PDE12: variants seen among roughly 807,000 people sequenced by gnomAD.
The protein encoded by PDE12 is phosphodiesterase 12, also known as 2',5'-phosphodiesterase 12.
PDE12 carries 26 observed loss-of-function variants against 45.4 expected under a neutral mutation model. The ratio of observed to expected loss-of-function variants is 0.57; its 90% CI spans 0.42 to 0.79. The LOEUF (loss-of-function observed/expected upper bound fraction) is 0.79, where lower values mean the gene tolerates loss of function less well. Among genes scored for constraint, PDE12 ranks in the 30% least tolerant of loss-of-function variants. PDE12 has a pLI of 0.00. For synonymous variants in PDE12, 283 were observed against 323.9 expected (o/e 0.87, Z 1.36); for missense variants, 668 against 790.0 (o/e 0.85, Z 1.85).
the PDE12 span, chr3:57,597,476 GC>G: frequency 4.8e-6 from 1 of 207,312 alleles, no homozygotes. Context: ...ATCCCCCTGC[GC>G]TTCCGGTGCG....
chr3:57,562,897 A>G lies in PDE12; in HGVS notation c.*2893A>G, dbSNP rs2069741574. 1 of 152,208 alleles carries G rather than the reference A, an allele frequency of 6.6e-6. No homozygotes were observed. Among genetic ancestry groups the G allele is most frequent in the Non-Finnish European group, 1.5e-5 (1 of 68,040 alleles). The allele number at this position is 152,208 out of a possible 1,614,324, so 9.4% of individuals were successfully genotyped here. On this transcript the variant is annotated 3_prime_UTR_variant, in exon 3 of 3. Transcript: ENST00000311180. ...CTGAGTAGTGATTTTTCTGAGTACT[A>G]AGCTATGATCTCATCAGAATGTGCT... is the stretch of plus-strand genomic sequence containing the variant.
chr3:57,635,021 T>A, the PDE12 span, among the ~76,000 whole-genome samples: 1 of 152,232 alleles, frequency 6.6e-6, no homozygotes, highest in African/African-American at 2.4e-5. Flanking sequence ...TTCATTAATA[T>A]CTATCATTAC....
the PDE12 span, chr3:57,631,002 A>G: frequency 1.2e-6 from 2 of 1,604,816 alleles, no homozygotes; most frequent in East Asian, 4.5e-5. Context: ...AAAAGTTAAT[A>G]AAAGGAGTGT....
At chr3:57,568,675 C>G (rs1401666227), downstream of PDE12, among the ~76,000 whole-genome samples, 1 of 151,402 alleles carries the variant, frequency 6.6e-6, no homozygotes, top group Admixed American at 6.6e-5. Flanking sequence ...CCCGCCTCAG[C>G]CTCCCAAAGT....
chr3:57,619,861 A>T, the PDE12 span, among the ~76,000 whole-genome samples: 3 of 151,848 alleles, frequency 2.0e-5, no homozygotes, highest in African/African-American at 7.2e-5. Flanking sequence ...AAAAATAAAT[A>T]AATAAATCAA....
At chr3:57,577,066 A>C in the PDE12 span, among the ~76,000 whole-genome samples, 3 of 151,812 alleles carry the variant, frequency 2.0e-5, no homozygotes, top group African/African-American at 4.9e-5. Context: ...AAAAAAAAAA[A>C]AACAACACTG....
chr3:57,577,470 A>C, the PDE12 span: 2 of 1,007,290 alleles, frequency 2.0e-6, no homozygotes, highest in Non-Finnish European at 3.1e-6. Flanking sequence ...AATGGTACCA[A>C]TGGTTAGACA....
rs2069726241 is a variant in PDE12 at position 57,561,371 on chromosome 3, T to C, written c.*1367T>C. The C allele has an allele frequency of 4.1e-6, 4 of 984,264 alleles. No homozygotes were observed. In the Admixed American group the frequency reaches 1.8e-4, roughly 45 times the overall value. The allele number at this position is 984,264 out of a possible 1,614,324, so 61.0% of individuals were successfully genotyped here. A position where few individuals can be genotyped will look rare whatever the true frequency, so the allele number is the denominator to read the frequency against. ...AAGCATCTCTGAAATAAAAAACTTC[T>C]TTTTACAGACAAGCATTATAGTTTG... On this transcript the variant is annotated 3_prime_UTR_variant, in exon 3 of 3. Transcript: ENST00000311180.
the PDE12 span, among the ~76,000 whole-genome samples, chr3:57,585,764 G>A: frequency 0.39 from 58,379 of 150,244 alleles, 12,616 homozygotes; most frequent in South Asian, 0.56. Flanking sequence ...CCAGGTTCAA[G>A]CGATTCTCCT....
chr3:57,617,471 G>A, the PDE12 span, among the ~76,000 whole-genome samples: 1 of 152,034 alleles, frequency 6.6e-6, no homozygotes, highest in Non-Finnish European at 1.5e-5. Context: ...ATACCCAAAG[G>A]AAAATAAATC....
At chr3:57,585,578 C>G in the PDE12 span, among the ~76,000 whole-genome samples, 1 of 151,934 alleles carries the variant, frequency 6.6e-6, no homozygotes, top group East Asian at 1.9e-4. Context: ...AACAAACCTG[C>G]ACATTGTGCA....
the PDE12 span, among the ~76,000 whole-genome samples, chr3:57,608,964 A>C: frequency 9.2e-4 from 140 of 152,294 alleles, no homozygotes; most frequent in African/African-American, 3.2e-3. Flanking sequence ...ACTTATTCCA[A>C]AATTGATCAC....
At chr3:57,643,674 A>G in the PDE12 span, among the ~76,000 whole-genome samples, 1 of 151,930 alleles carries the variant, frequency 6.6e-6, no homozygotes, top group Non-Finnish European at 1.5e-5. Flanking sequence ...TAAAAATACA[A>G]AAATTAGCTG....
At chr3:57,647,414 G>A in the PDE12 span, among the ~76,000 whole-genome samples, 22 of 152,130 alleles carry the variant, frequency 1.4e-4, no homozygotes, top group African/African-American at 4.8e-4. Context: ...AAAGAGAGCC[G>A]TATTGACCAG....
chr3:57,572,257 C>G, the PDE12 span: 2 of 1,614,100 alleles, frequency 1.2e-6, no homozygotes, highest in South Asian at 1.1e-5. Flanking sequence ...GTCCTTCATA[C>G]AGACCAGTTC....
chr3:57,637,507 T>C, the PDE12 span, among the ~76,000 whole-genome samples: 1 of 152,108 alleles, frequency 6.6e-6, no homozygotes, highest in Non-Finnish European at 1.5e-5. Flanking sequence ...GATGTTTTTT[T>C]CTCTAATTTT....
chr3:57,655,597 T>A, the PDE12 span, among the ~76,000 whole-genome samples: 2 of 152,140 alleles, frequency 1.3e-5, no homozygotes, highest in East Asian at 3.8e-4. Flanking sequence ...CAATCAAAAT[T>A]TAGTTGCATG....
chr3:57,580,161 A>C, the PDE12 span, among the ~76,000 whole-genome samples: 1 of 152,174 alleles, frequency 6.6e-6, no homozygotes, highest in Non-Finnish European at 1.5e-5. Flanking sequence ...GTGGGAAGAC[A>C]GACTCAAATT....
At chr3:57,599,606 A>G in the PDE12 span, among the ~76,000 whole-genome samples, 2 of 152,224 alleles carry the variant, frequency 1.3e-5, no homozygotes, top group African/African-American at 4.8e-5. Flanking sequence ...CTCCATCTCT[A>G]GCCTCCAAAA....
Sources: allele counts gnomAD v4.1 joint callset (sites outside exome capture counted in the v4.1 genomes callset), GRCh38; gene constraint gnomAD v4.1.1; transcripts MANE v1.5; gene names NCBI Gene and HGNC (gene_info 2026-07-23, HGNC 2026-07-21).